The following SPG7 variants were observed in gnomAD, a reference collection of about 807,000 sequenced individuals.
The protein encoded by SPG7 is SPG7 matrix AAA peptidase subunit, paraplegin.
A neutral mutation model predicts 81.9 loss-of-function variants in SPG7; 103 were observed. The observed-to-expected ratio is 1.26, with a 90% CI of 1.07 to 1.48. The LOEUF is 1.48. Among genes scored for constraint, SPG7 ranks in the 40% most tolerant of loss-of-function variants. The probability of loss-of-function intolerance (pLI) is 0.00; values close to 1 mark genes in which losing one functional copy is unlikely to be tolerated. For synonymous variants in SPG7, 534 were observed against 444.2 expected, an observed-to-expected ratio of 1.20 and a Z score of -2.54; for missense variants, 1,241 against 1,087.3, an observed-to-expected ratio of 1.14 and a Z score of -1.99.
At chr16:89,539,920 A>G (rs2058473851) in intron 9 of SPG7, 1 of 152,094 alleles carries the variant, frequency 6.6e-6, no homozygotes, top group African/African-American at 2.4e-5. Context: ...CCATGATCTT[A>G]TTTTAAGTTA....
chr16:89,515,853 G>A (rs965026150), intron 3 of SPG7, among the ~76,000 whole-genome samples: 5 of 150,342 alleles, frequency 3.3e-5, no homozygotes, highest in Admixed American at 6.6e-5. Context: ...GACTACAGGC[G>A]TGCGCCACCA....
Position 89,513,011 on chromosome 16 carries a change from A to C in SPG7, c.350A>C (p.Lys117Thr), listed in dbSNP as rs764701689. The C allele has an allele frequency of 6.2e-7, 1 of 1,612,920 alleles. No homozygotes were observed. The highest frequency in any genetic ancestry group is 8.5e-7 in the Non-Finnish European group (1 of 1,179,170). The stretch of plus-strand genomic sequence containing the variant: ...AAGAATAAGGAGAAGGATAAGTCGA[A>C]GGGGAAGGCGCCTGAAGAGGACGAA... ...KQKNKEKDKS[K>T]GKAPEEDEEE... The change falls in exon 3 of 17, where the codon AAG becomes ACG. Residue 117 changes from lysine (K) to threonine (T), a missense_variant. By Grantham distance (78) the Lys-to-Thr change is moderately conservative. Transcript: ENST00000645818.
intron 1 of SPG7, among the ~76,000 whole-genome samples, chr16:89,509,146 G>C (rs937009742): frequency 6.6e-6 from 1 of 152,118 alleles, no homozygotes; most frequent in Admixed American, 6.5e-5. Context: ...GCTAAGGATA[G>C]GATAGCATCT....
chr16:89,547,772 C>T, intron 11 of SPG7: 6 of 483,880 alleles, frequency 1.2e-5, no homozygotes, highest in South Asian at 1.2e-4. Context: ...ACCACCACGC[C>T]CGGCTAATTT....
At chr16:89,540,832 C>T in intron 9 of SPG7, 1 of 913,520 alleles carries the variant, frequency 1.1e-6, no homozygotes, top group Non-Finnish European at 1.3e-6. Context: ...GACTTAGGCT[C>T]ACACGAAATG....
In SPG7 at chr16:89,536,505, T is replaced by C. The variant is rs1159419332; in HGVS notation, c.1324+3869T>C. On this transcript the variant is annotated intron_variant, in intron 9 of 16. Transcript: ENST00000645818. Reference sequence around the variant, plus strand: ...GTGAGGTCAGGTGAGGCAGGTGAGGTGAGGCGGGTGAGGTCAGGTGAGGCG... The same window carrying C: ...GTGAGGTCAGGTGAGGCAGGTGAGGCGAGGCGGGTGAGGTCAGGTGAGGCG... Among the ~76,000 whole-genome samples the C allele has an allele frequency of 0.015, 641 of 43,010 alleles. 29 individuals are homozygous for C. The highest frequency in any genetic ancestry group is 0.047 in the African/African-American group (589 of 12,522). The allele number at this position is 43,010 out of a possible 152,430, so 28.2% of individuals were successfully genotyped here. A position where few individuals can be genotyped will look rare whatever the true frequency, so the allele number is the denominator to read the frequency against.
At chr16:89,541,945 C>T (rs977081972) in intron 9 of SPG7, 139 of 150,564 alleles carry the variant, frequency 9.2e-4, no homozygotes, top group African/African-American at 3.2e-3. Context: ...ACATAGCGGC[C>T]CGGTGGGGAG....
At chr16:89,548,375 A>G in intron 12 of SPG7, 1 of 471,054 alleles carries the variant, frequency 2.1e-6, no homozygotes, top group South Asian at 2.5e-5. Flanking sequence ...AAATAAAAAT[A>G]AAAAATGCCC....
chr16:89,543,101 C>G (rs2058517736), intron 9 of SPG7: 1 of 151,784 alleles, frequency 6.6e-6, no homozygotes, highest in South Asian at 2.1e-4. Flanking sequence ...GCGCCCGCCA[C>G]CACGCCCAGC....
rs1034854879 is a variant in SPG7 at position 89,548,162 on chromosome 16, C to A, written c.1663+49C>A. 4 of 1,301,116 alleles carry A rather than the reference C, an allele frequency of 3.1e-6. No individual in the cohort carries two copies. In the African/African-American group the frequency reaches 4.3e-5, roughly 14 times the overall value. The allele number at this position is 1,301,116 out of a possible 1,614,324, so 80.6% of individuals were successfully genotyped here. On this transcript the variant is annotated intron_variant, in intron 12 of 16. Coordinates refer to ENST00000645818, the MANE Select transcript of SPG7 (RefSeq NM_003119.4). ...AAGGCCCTCCTTAGCAGGGCTTGAA[C>A]CCCAGAAATACCCAGGCAGGTATTG...
At chr16:89,530,211 C>G (rs551396879) in intron 6 of SPG7, 42 of 313,622 alleles carry the variant, frequency 1.3e-4, no homozygotes, top group African/African-American at 9.2e-4. Context: ...GTGGTGCGAT[C>G]TCAGCTCACT....
At chr16:89,511,911 T>A (rs1022657024) in intron 2 of SPG7, among the ~76,000 whole-genome samples, 5 of 83,006 alleles carry the variant, frequency 6.0e-5, no homozygotes, top group African/African-American at 1.6e-4. Flanking sequence ...TTGTTGTTGT[T>A]GTTTATTATT....
intron 11 of SPG7, 28 bp downstream of exon 11, chr16:89,546,788 G>T (rs1451677576): frequency 4.7e-6 from 7 of 1,499,396 alleles, no homozygotes; most frequent in Non-Finnish European, 6.5e-6. Flanking sequence ...AGCCTGGGCA[G>T]CGTCACGTCC....
Position 89,510,471 on chromosome 16 carries a change from G to GT in SPG7, c.184-4dup, listed in dbSNP as rs5818722. ...TAATGTTGGTGTGACCTCCAGTATT[G>GT]TTTTTTTTTTTTTTTCAGAGCTTAC... On this transcript the variant is annotated intron_variant, in intron 1 of 16. Coordinates refer to ENST00000645818, the MANE Select transcript of SPG7 (RefSeq NM_003119.4). 91,899 of 1,127,792 alleles carry GT rather than the reference G, an allele frequency of 0.081. 55 individuals carry two copies. The highest frequency in any genetic ancestry group is 0.086 in the Admixed American group (4,424 of 51,326). The allele number at this position is 1,127,792 out of a possible 1,614,324, so 69.9% of individuals were successfully genotyped here. A position where few individuals can be genotyped will look rare whatever the true frequency, so the allele number is the denominator to read the frequency against.
At chr16:89,511,092 C>G (rs546319318) in intron 2 of SPG7, among the ~76,000 whole-genome samples, 3 of 152,184 alleles carry the variant, frequency 2.0e-5, no homozygotes, top group Non-Finnish European at 4.4e-5. Flanking sequence ...CCTGCCTTGG[C>G]CTCCCAAAGT....
intron 2 of SPG7, among the ~76,000 whole-genome samples, chr16:89,511,687 A>G (rs959907032): frequency 6.6e-6 from 1 of 151,904 alleles, no homozygotes; most frequent in Non-Finnish European, 1.5e-5. Flanking sequence ...TTTGTGAAGA[A>G]AGTTACATTT....
intron 14 of SPG7, 110 bp downstream of exon 14, chr16:89,553,245 A>G: frequency 9.1e-7 from 1 of 1,100,386 alleles, no homozygotes; most frequent in African/African-American, 1.6e-5. Flanking sequence ...GTAGCTTTGA[A>G]TTTATTAAGT....
At chr16:89,523,605 A>G (rs573477032) in intron 3 of SPG7, 5 of 431,682 alleles carry the variant, frequency 1.2e-5, no homozygotes, top group Admixed American at 5.0e-5. Context: ...TTTCTGAGAC[A>G]GGGTCGTTCT....
At chr16:89,526,281 CGTCT>C (rs2058258802) in intron 4 of SPG7, 44 bp from the exon 5 acceptor site, 1 of 1,611,214 alleles carries the variant, frequency 6.2e-7, no homozygotes, top group African/African-American at 1.3e-5. Flanking sequence ...TAGGGTTGCT[CGTCT>C]GTCCCTGCGT....
Sources: gnomAD v4.1 joint callset for allele counts (sites outside exome capture counted in the v4.1 genomes callset) on GRCh38, gnomAD v4.1.1 for gene constraint, MANE v1.5 for transcripts, NCBI Gene and HGNC (gene_info 2026-07-23, HGNC 2026-07-21) for gene names.